DDX31: variants seen among roughly 807,000 people sequenced by gnomAD.
DDX31 encodes the protein ATP-dependent DNA helicase DDX31.
A neutral mutation model predicts 91.3 loss-of-function variants in DDX31; 70 were observed. The observed-to-expected ratio is 0.77, with a 90% CI of 0.63 to 0.94. The LOEUF is 0.94. Among genes scored for constraint, DDX31 ranks in the 40% least tolerant of loss-of-function variants. DDX31 has a pLI of 0.00. For missense variants in DDX31, 902 were observed against 925.0 expected (o/e 0.98, Z 0.32); for synonymous variants, 362 against 350.6 (o/e 1.03, Z -0.36).
chr9:132,597,764 C>T (rs1381575673), intron 19 of DDX31, among the ~76,000 whole-genome samples: 1 of 152,112 alleles, frequency 6.6e-6, no homozygotes, highest in East Asian at 1.9e-4. Flanking sequence ...CAGGCAGACA[C>T]CCAGACACCA....
intron 16 of DDX31, among the ~76,000 whole-genome samples, chr9:132,627,956 AT>A: frequency 6.6e-6 from 1 of 152,286 alleles, no homozygotes; most frequent in East Asian, 1.9e-4. Context: ...GACCTTTTGG[AT>A]TCTAGAAACT....
intron 1 of DDX31, chr9:132,663,524 G>T: frequency 1.0e-6 from 1 of 985,344 alleles, no homozygotes; most frequent in Non-Finnish European, 1.2e-6. Flanking sequence ...CTAGGAGAAG[G>T]AACATCCAAT....
At chr9:132,599,006 C>G (rs570169643) in intron 19 of DDX31, among the ~76,000 whole-genome samples, 20 of 152,308 alleles carry the variant, frequency 1.3e-4, no homozygotes, top group African/African-American at 4.6e-4. Context: ...CCTGCAGGCT[C>G]TGTGTGAAAA....
chr9:132,635,785 A>T (rs890718593), intron 14 of DDX31, among the ~76,000 whole-genome samples: 2 of 151,636 alleles, frequency 1.3e-5, no homozygotes, highest in African/African-American at 4.8e-5. Flanking sequence ...TCTCTACTAA[A>T]AACACAAAAT....
rs1176178790 is a variant in DDX31, at chr9:132,612,101, T to C, written c.1980A>G (p.Lys660=). ...GCTCATCTTACCTTTTCACGTGTGCTTTCCTCTTCTTTCTAGTCAAGGCAC... is the reference window on the plus strand; with the variant it reads ...GCTCATCTTACCTTTTCACGTGTGCCTTCCTCTTCTTTCTAGTCAAGGCAC... ...NLSALTRKKR[K]AHVKRPDLHK... is the part of the protein sequence containing the mutation. Residue 660 remains lysine, a synonymous_variant, in exon 19 of 20, where the codon AAA becomes AAG. Coordinates refer to ENST00000372159, the MANE Select transcript of DDX31 (RefSeq NM_022779.9). 2 of 1,613,932 alleles carry C rather than the reference T, an allele frequency of 1.2e-6. No individual in the cohort carries two copies. The highest frequency in any genetic ancestry group is 3.3e-5 in the Admixed American group (2 of 60,022).
At chr9:132,612,305 A>C in intron 18 of DDX31, 50 bp from the exon 19 acceptor site, 6 of 1,610,110 alleles carry the variant, frequency 3.7e-6, no homozygotes, top group Non-Finnish European at 5.1e-6. Flanking sequence ...GGGGTCTCCA[A>C]GCTCCAAAGT....
At chr9:132,653,967 T>C (rs1182469943) in intron 6 of DDX31, among the ~76,000 whole-genome samples, 1 of 151,822 alleles carries the variant, frequency 6.6e-6, no homozygotes, top group East Asian at 1.9e-4. Flanking sequence ...GCAAATAAAG[T>C]TGAGAATAGA....
In DDX31 at chr9:132,596,296, C is replaced by T. The variant is rs755681552; in HGVS notation, c.1995-1184G>A. Among the ~76,000 whole-genome samples the T allele has an allele frequency of 1.3e-4, 20 of 152,180 alleles. 1 individual carries two copies. The highest frequency in any genetic ancestry group is 6.2e-4 in the South Asian group (3 of 4,832). On this transcript the variant is annotated intron_variant, in intron 19 of 19. Transcript: ENST00000372159. ...AAAGCTTGTAGAAACCCATTATAAA[C>T]GAGCTAAAGCAATAATACCTGTTTC... is the stretch of plus-strand genomic sequence containing the variant.
In DDX31 at chr9:132,618,321, TCGAC is replaced by T; in HGVS notation, c.1825+5_1825+8del. On this transcript the variant is annotated splice_donor_5th_base_variant and intron_variant, in intron 18 of 19. Coordinates refer to ENST00000372159, the MANE Select transcript of DDX31 (RefSeq NM_022779.9). ...ATCCACTGCGCAAGCACCTAGGAAA[TCGAC>T]TGACCTTTCTTTGCCCAGGAGACCC... The T allele has an allele frequency of 6.2e-7, 1 of 1,605,896 alleles. No individual in the cohort carries two copies. The highest frequency in any genetic ancestry group is 1.3e-5 in the African/African-American group (1 of 74,760).
intron 19 of DDX31, among the ~76,000 whole-genome samples, 199 bp downstream of exon 19, chr9:132,611,885 CCCA>C (rs1234873220): frequency 1.3e-5 from 2 of 152,188 alleles, no homozygotes; most frequent in Admixed American, 6.5e-5. Context: ...CCCTATGAAC[CCCA>C]CCACATTTGG....
chr9:132,597,758 C>T (rs1158780713), intron 19 of DDX31, among the ~76,000 whole-genome samples: 1 of 152,158 alleles, frequency 6.6e-6, no homozygotes, highest in Non-Finnish European at 1.5e-5. Flanking sequence ...ACACAACAGG[C>T]AGACACCCAG....
At chr9:132,645,498 T>G (rs541053790) in intron 13 of DDX31, among the ~76,000 whole-genome samples, 1 of 152,302 alleles carries the variant, frequency 6.6e-6, no homozygotes, top group African/African-American at 2.4e-5. Context: ...TGCTCTTAAT[T>G]TGAAGACATC....
At chr9:132,599,284 T>C (rs1408151936) in intron 19 of DDX31, among the ~76,000 whole-genome samples, 1 of 152,204 alleles carries the variant, frequency 6.6e-6, no homozygotes, top group Non-Finnish European at 1.5e-5. Flanking sequence ...AAATCAGTAA[T>C]GCAAGAGCTG....
chr9:132,618,593 G>C, intron 17 of DDX31, 152 bp from the exon 18 acceptor site: 1 of 574,852 alleles, frequency 1.7e-6, no homozygotes, highest in Non-Finnish European at 2.9e-6. Flanking sequence ...AAAAAAGGGA[G>C]CTATAGAGAT....
intron 14 of DDX31, among the ~76,000 whole-genome samples, chr9:132,633,951 C>G (rs571588841): frequency 6.6e-6 from 1 of 152,264 alleles, no homozygotes; most frequent in Non-Finnish European, 1.5e-5. Context: ...GAAAGAGGAA[C>G]ATGTTGAACA....
intron 17 of DDX31, among the ~76,000 whole-genome samples, chr9:132,619,586 G>C (rs1174792492): frequency 6.6e-6 from 1 of 152,196 alleles, no homozygotes; most frequent in Non-Finnish European, 1.5e-5. Context: ...TATATTAAGA[G>C]ACTTAACAAC....
At chr9:132,596,028 AT>A (rs1424963593) in intron 19 of DDX31, among the ~76,000 whole-genome samples, 1 of 152,246 alleles carries the variant, frequency 6.6e-6, no homozygotes, top group Non-Finnish European at 1.5e-5. Context: ...ACAATTACCA[AT>A]AAATCCACAC....
Position 132,662,699 on chromosome 9 carries a change from C to T in DDX31, c.76-4G>A, listed in dbSNP as rs751471248. On this transcript the variant is annotated splice_region_variant and splice_polypyrimidine_tract_variant and intron_variant, in intron 1 of 19. Transcript: ENST00000372159. ...TTCTTTTCGTAGCCTTTGCTTGCTG[C>T]GTTGTTCCCAGAAGGAAAGATCAAC... The T allele has an allele frequency of 4.3e-6, 7 of 1,613,770 alleles. No homozygotes were observed. The highest frequency in any genetic ancestry group is 3.3e-5 in the South Asian group (3 of 91,068).
chr9:132,664,716 CAAAAAAA>C (rs10668095), intron 1 of DDX31, among the ~76,000 whole-genome samples: 2 of 97,426 alleles, frequency 2.1e-5, no homozygotes, highest in Admixed American at 1.2e-4. Context: ...GACCCTCGCT[CAAAAAAA>C]AAAAAAAAAA....
Sources: allele counts gnomAD v4.1 joint callset (sites outside exome capture counted in the v4.1 genomes callset), GRCh38; gene constraint gnomAD v4.1.1; transcripts MANE v1.5; gene names NCBI Gene and HGNC (gene_info 2026-07-23, HGNC 2026-07-21).